STS: variants seen among roughly 807,000 people sequenced by gnomAD.
STS encodes the protein steryl-sulfatase.
Under a neutral mutation model 26.8 loss-of-function variants are expected in STS, and 7 were observed. The ratio of observed to expected loss-of-function variants is 0.26; its 90% CI spans 0.15 to 0.49. The LOEUF is 0.49. STS is among the 20% of genes least tolerant of loss of function. The pLI, the probability that STS is intolerant of heterozygous loss-of-function variation, is 0.98. For synonymous variants in STS, 199 were observed against 189.4 expected (o/e 1.05, Z -0.42); for missense variants, 434 against 465.6 (o/e 0.93, Z 0.63).
At chrX:7,289,161 T>C (rs1925289096) in intron 7 of STS, among the ~76,000 whole-genome samples, 1 of 111,417 alleles carries the variant, frequency 9.0e-6, no homozygotes, top group South Asian at 3.8e-4. Flanking sequence ...GAGCTGCTGA[T>C]GGCTTCTAAC....
intron 8 of STS, among the ~76,000 whole-genome samples, chrX:7,323,359 C>T (rs762735287): frequency 9.1e-6 from 1 of 110,462 alleles, no homozygotes; most frequent in Non-Finnish European, 1.9e-5. Flanking sequence ...GATAGTTTTT[C>T]ACTCCTTGAC....
At chrX:7,151,518 G>A (rs1933011281) in intron 1 of STS, among the ~76,000 whole-genome samples, 4 of 111,985 alleles carry the variant, frequency 3.6e-5, no homozygotes, top group Admixed American at 1.9e-4. Context: ...TGCTTCAGAG[G>A]CACTGAATAT....
chrX:7,183,176 A>G (rs1933713274), intron 1 of STS, among the ~76,000 whole-genome samples: 1 of 111,691 alleles, frequency 9.0e-6, no homozygotes, highest in Admixed American at 9.6e-5. Context: ...GATATTTATA[A>G]GATGTACTTT....
intron 7 of STS, among the ~76,000 whole-genome samples, chrX:7,289,626 C>T (rs917064499): frequency 3.6e-5 from 4 of 111,398 alleles, no homozygotes; most frequent in Non-Finnish European, 7.5e-5. Context: ...GTCCCCCACT[C>T]AGATTCCTAT....
chrX:7,247,858 G>T, intron 2 of STS, among the ~76,000 whole-genome samples: 1 of 111,998 alleles, frequency 8.9e-6, no homozygotes, highest in Non-Finnish European at 1.9e-5. Flanking sequence ...ATAGTGCAGA[G>T]GTTGAGAAAT....
At chrX:7,324,762 G>C (rs1410449845) in intron 8 of STS, among the ~76,000 whole-genome samples, 5 of 111,679 alleles carry the variant, frequency 4.5e-5, no homozygotes, top group African/African-American at 6.5e-5. Flanking sequence ...CCTTTGCTGA[G>C]AGGAGGTGTC....
At chrX:7,264,468 A>G (rs1240037824) in intron 6 of STS, among the ~76,000 whole-genome samples, 1 of 112,472 alleles carries the variant, frequency 8.9e-6, no homozygotes, top group Non-Finnish European at 1.9e-5. Flanking sequence ...TCAGAACTGT[A>G]CATTGTAGGG....
chrX:7,236,812 G>A (rs5934737), intron 2 of STS, among the ~76,000 whole-genome samples: 39,388 of 109,397 alleles, frequency 0.36, 5,278 homozygotes, highest in East Asian at 0.4. Context: ...TGTACACAAC[G>A]CATAAATACA....
rs1340123605 is a variant in STS, at chrX:7,350,256, C to T, written c.1732C>T (p.Arg578Cys). 1.7e-6 allele frequency: 2 copies of T among 1,206,540 alleles called. No homozygotes were observed. Among genetic ancestry groups the T allele is most frequent in the South Asian group, 1.8e-5 (1 of 56,285 alleles). The change falls in exon 11 of 11, where the codon CGC becomes TGC. Residue 578 changes from arginine (R) to cysteine (C), a missense_variant. Physicochemically the swap from Arg to Cys is radical, Grantham distance 180. Transcript: ENST00000674429. ...AGAAAAACAGGATAAGAGACTGAGCCGCTAGCAGCGCCTGGGGACCAGACA... is the reference window on the plus strand; with the variant it reads ...AGAAAAACAGGATAAGAGACTGAGCTGCTAGCAGCGCCTGGGGACCAGACA... ...DREKQDKRLSR is the reference protein window; with the variant it reads ...DREKQDKRLSC
In STS at chrX:7,277,851, C is replaced by T. The variant is rs184144438; in HGVS notation, c.943+1764C>T. Among the ~76,000 whole-genome samples the T allele has an allele frequency of 2.6e-3, 288 of 111,969 alleles. 1 individual carries two copies. Among genetic ancestry groups the T allele is most frequent in the African/African-American group, 8.6e-3 (264 of 30,837 alleles). On this transcript the variant is annotated intron_variant, in intron 7 of 10. Transcript: ENST00000674429. ...TGCACATAAATCAATTTATATTTTT[C>T]GCATCTTAGTGTAAATCAGTAGAAT...
intron 8 of STS, among the ~76,000 whole-genome samples, chrX:7,319,171 T>C (rs1026935269): frequency 1.8e-5 from 2 of 110,531 alleles, no homozygotes; most frequent in African/African-American, 6.6e-5. Flanking sequence ...TTTCTGTTTT[T>C]TAAGACATGA....
At chrX:7,205,398 T>C (rs1934192293) in intron 2 of STS, among the ~76,000 whole-genome samples, 1 of 111,086 alleles carries the variant, frequency 9.0e-6, no homozygotes, top group Non-Finnish European at 1.9e-5. Context: ...CCACAGAAAA[T>C]CACATCAATT....
At chrX:7,247,037 A>ATG (rs1197072854) in intron 2 of STS, among the ~76,000 whole-genome samples, 5 of 111,615 alleles carry the variant, frequency 4.5e-5, no homozygotes, top group Non-Finnish European at 7.5e-5. Flanking sequence ...TATAGCAAAT[A>ATG]TGTGTGTGTG....
At chrX:7,218,767 G>T (rs1472984035) in intron 2 of STS, among the ~76,000 whole-genome samples, 2 of 112,248 alleles carry the variant, frequency 1.8e-5, no homozygotes, top group East Asian at 5.6e-4. Flanking sequence ...CAAAGGGTTC[G>T]GGTGGAATGC....
intron 6 of STS, among the ~76,000 whole-genome samples, chrX:7,264,183 T>C (rs1308520770): frequency 2.7e-5 from 3 of 111,470 alleles, no homozygotes; most frequent in African/African-American, 9.8e-5. Flanking sequence ...CATAGCTCCA[T>C]CATGTCATGC....
intron 2 of STS, among the ~76,000 whole-genome samples, chrX:7,215,503 T>G (rs1390082727): frequency 9.0e-6 from 1 of 110,871 alleles, no homozygotes; most frequent in African/African-American, 3.3e-5. Context: ...GGGCTCCTGA[T>G]GAATGATACC....
chrX:7,219,500 G>C (rs1321863184), intron 2 of STS: 1 of 1,145,872 alleles, frequency 8.7e-7, no homozygotes, highest in Admixed American at 2.6e-5. Flanking sequence ...GGACCCAGCT[G>C]TAGTGAGGTT....
At chrX:7,170,606 T>G (rs1933447949) in intron 1 of STS, among the ~76,000 whole-genome samples, 1 of 109,067 alleles carries the variant, frequency 9.2e-6, no homozygotes, top group Non-Finnish European at 1.9e-5. Flanking sequence ...CCCATTTAAT[T>G]TACATTAAAT....
Position 7,148,102 on chromosome X carries a change from G to A in STS, c.-134+19G>A, listed in dbSNP as rs1325908572. 2.6e-6 allele frequency: 3 copies of A among 1,133,122 alleles called. No individual in the cohort carries two copies. The highest frequency in any genetic ancestry group is 3.7e-5 in the East Asian group (1 of 27,132). The allele number at this position is 1,133,122 out of a possible 1,213,427, so 93.4% of individuals were successfully genotyped here. A position where few individuals can be genotyped will look rare whatever the true frequency, so the allele number is the denominator to read the frequency against. ...AGATGAGGTGGGTGACGGGCTGCGG[G>A]GGCGCCGCCATGGTGGCGCCTTCTG... On this transcript the variant is annotated intron_variant, in intron 1 of 10. Transcript: ENST00000674429.
Sources: allele counts gnomAD v4.1 joint callset (sites outside exome capture counted in the v4.1 genomes callset), GRCh38; gene constraint gnomAD v4.1.1; transcripts MANE v1.5; gene names NCBI Gene and HGNC (gene_info 2026-07-23, HGNC 2026-07-21).